KLHL1: variants seen among roughly 807,000 people sequenced by gnomAD.
The protein encoded by KLHL1 is kelch-like protein 1.
A neutral mutation model predicts 77.7 loss-of-function variants in KLHL1; 47 were observed. That is an observed-to-expected ratio of 0.60 (90% CI 0.48 to 0.77). KLHL1 has a LOEUF of 0.77. KLHL1 is among the 30% of genes least tolerant of loss of function. KLHL1 has a pLI of 0.00. For missense variants in KLHL1, 925 were observed against 910.8 expected (o/e 1.02, Z -0.20); for synonymous variants, 360 against 325.2 (o/e 1.11, Z -1.15).
chr13:69,934,334 CACATCTTATATT>C (rs913513035), intron 4 of KLHL1, among the ~76,000 whole-genome samples: 1 of 152,006 alleles, frequency 6.6e-6, no homozygotes, highest in South Asian at 2.1e-4. Context: ...GAGTATATAT[CACATCTTATATT>C]ACATCTTATA....
At chr13:69,799,863 CG>C (rs1185099916) in intron 6 of KLHL1, among the ~76,000 whole-genome samples, 1 of 152,100 alleles carries the variant, frequency 6.6e-6, no homozygotes, top group Non-Finnish European at 1.5e-5. Flanking sequence ...AGGAGGTGAG[CG>C]GCACCCCGAG....
At chr13:69,949,935 G>T (rs1357309414) in intron 3 of KLHL1, among the ~76,000 whole-genome samples, 1 of 148,456 alleles carries the variant, frequency 6.7e-6, no homozygotes, top group Non-Finnish European at 1.5e-5. Context: ...TCTCTCTCTT[G>T]TCAGAGAGAA....
chr13:69,948,330 C>T (rs1371535933), intron 3 of KLHL1, among the ~76,000 whole-genome samples: 4 of 152,014 alleles, frequency 2.6e-5, no homozygotes, highest in Admixed American at 6.6e-5. Flanking sequence ...GAAACTTTTA[C>T]CAAAGAATCC....
chr13:70,092,154 T>C (rs1321475766), intron 1 of KLHL1, among the ~76,000 whole-genome samples: 2 of 152,160 alleles, frequency 1.3e-5, no homozygotes, highest in African/African-American at 2.4e-5. Context: ...GCCTATGCAA[T>C]TGAGCAGAGG....
intron 5 of KLHL1, among the ~76,000 whole-genome samples, chr13:69,861,759 C>T (rs1880171093): frequency 7.3e-6 from 1 of 137,832 alleles, no homozygotes; most frequent in African/African-American, 2.8e-5. Context: ...ATCAGCCTGA[C>T]CAACATGGAG....
intron 1 of KLHL1, among the ~76,000 whole-genome samples, chr13:70,086,299 C>T (rs1250864234): frequency 1.3e-5 from 2 of 151,180 alleles, no homozygotes; most frequent in South Asian, 2.1e-4. Context: ...AAAAGTAGAC[C>T]TGGCTGGGCA....
chr13:70,064,332 T>C (rs993065817), intron 1 of KLHL1, among the ~76,000 whole-genome samples: 1 of 152,172 alleles, frequency 6.6e-6, no homozygotes, highest in Admixed American at 6.5e-5. Context: ...ATTTCATAAA[T>C]GTAAGTGTGA....
intron 1 of KLHL1, among the ~76,000 whole-genome samples, chr13:69,978,672 A>T (rs528890776): frequency 6.6e-6 from 1 of 151,936 alleles, no homozygotes; most frequent in African/African-American, 2.4e-5. Flanking sequence ...TTTTTAGTGG[A>T]GACGGGGTTT....
At chr13:69,967,988 T>C (rs1000978545) in intron 2 of KLHL1, among the ~76,000 whole-genome samples, 1 of 152,048 alleles carries the variant, frequency 6.6e-6, no homozygotes, top group Non-Finnish European at 1.5e-5. Context: ...AAAGAAGTTA[T>C]ACCGTGGGTA....
chr13:69,873,758 T>C (rs1335185965), intron 5 of KLHL1, among the ~76,000 whole-genome samples: 2 of 152,154 alleles, frequency 1.3e-5, no homozygotes, highest in Non-Finnish European at 2.9e-5. Flanking sequence ...ACTTAAAGTA[T>C]ATATATTTAA....
At chr13:70,076,423 T>A (rs1458694886) in intron 1 of KLHL1, among the ~76,000 whole-genome samples, 1 of 147,994 alleles carries the variant, frequency 6.8e-6, no homozygotes, top group African/African-American at 2.5e-5. Context: ...ATCAACTGGA[T>A]TGCCATATGC....
chr13:70,061,897 G>T (rs1886898575), intron 1 of KLHL1, among the ~76,000 whole-genome samples: 1 of 152,022 alleles, frequency 6.6e-6, no homozygotes, highest in African/African-American at 2.4e-5. Context: ...TCAAATCAGG[G>T]TCATCAGCAT....
intron 1 of KLHL1, among the ~76,000 whole-genome samples, chr13:69,978,114 A>T (rs1210871716): frequency 1.3e-5 from 2 of 152,150 alleles, no homozygotes; most frequent in East Asian, 1.9e-4. Flanking sequence ...TATTTTAAGA[A>T]TTCGGGCTCA....
chr13:70,019,683 TAC>T (rs1200227733), intron 1 of KLHL1, among the ~76,000 whole-genome samples: 1 of 152,144 alleles, frequency 6.6e-6, no homozygotes. Flanking sequence ...TGCCCAAAGT[TAC>T]ACAGTTTATA....
chr13:69,792,106 T>A (rs1172065619), intron 7 of KLHL1, among the ~76,000 whole-genome samples: 2 of 152,020 alleles, frequency 1.3e-5, no homozygotes, highest in Admixed American at 6.6e-5. Flanking sequence ...ACACATGTAC[T>A]CCAGAACTTA....
At chr13:69,714,703 C>G (rs1460092006) in intron 9 of KLHL1, among the ~76,000 whole-genome samples, 1 of 151,882 alleles carries the variant, frequency 6.6e-6, no homozygotes, top group African/African-American at 2.4e-5. Context: ...AAGTGATCCT[C>G]CCACCTCAGC....
chr13:69,870,565 G>T (rs1323345296), intron 5 of KLHL1, among the ~76,000 whole-genome samples: 1 of 151,766 alleles, frequency 6.6e-6, no homozygotes, highest in Non-Finnish European at 1.5e-5. Context: ...AATTGTTCCA[G>T]CCTCAACTCA....
intron 1 of KLHL1, among the ~76,000 whole-genome samples, chr13:70,035,638 C>A (rs1363972319): frequency 6.6e-6 from 1 of 151,640 alleles, no homozygotes; most frequent in African/African-American, 2.4e-5. Context: ...CCCTCTAAAA[C>A]AGATGAAAGA....
chr13:70,086,494 T>C (rs1282143218), intron 1 of KLHL1, among the ~76,000 whole-genome samples: 1 of 146,842 alleles, frequency 6.8e-6, no homozygotes, highest in Admixed American at 6.9e-5. Flanking sequence ...GGCAGGAGAA[T>C]CTCTTTAGGC....
Sources: allele counts gnomAD v4.1 joint callset (sites outside exome capture counted in the v4.1 genomes callset), GRCh38; gene constraint gnomAD v4.1.1; transcripts MANE v1.5; gene names NCBI Gene and HGNC (gene_info 2026-07-23, HGNC 2026-07-21).